CBFB: variants seen among roughly 807,000 people sequenced by gnomAD.
CBFB encodes core-binding factor subunit beta, also known as CBF-beta.
CBFB carries 9 observed loss-of-function variants against 30.4 expected under a neutral mutation model. The ratio of observed to expected loss-of-function variants is 0.30; its 90% CI spans 0.18 to 0.52. The LOEUF (loss-of-function observed/expected upper bound fraction) is 0.52. Ranked by LOEUF, CBFB falls within the 20% of genes least tolerant of loss-of-function variation. CBFB has a pLI of 0.97. For synonymous variants in CBFB, 94 were observed against 84.0 expected (o/e 1.12, Z -0.65); for missense variants, 170 against 244.0 (o/e 0.70, Z 2.02).
At position 67,029,488 on chromosome 16, in the gene CBFB, G is replaced by T; in HGVS notation, c.78+3G>T. 1.3e-6 allele frequency: 2 copies of T among 1,586,666 alleles called. No individual in the cohort carries two copies. Among genetic ancestry groups the T allele is most frequent in the Non-Finnish European group, 1.7e-6 (2 of 1,168,046 alleles). On this transcript the variant is annotated splice_donor_region_variant and intron_variant, in intron 1 of 5. Transcript: ENST00000412916. Reference sequence around the variant, plus strand: ...GGAAGCTGAGCCGCGAGTGTGAGGTGAGGCAGGCGGGCGGGCGGCTAGGAG... The same window carrying T: ...GGAAGCTGAGCCGCGAGTGTGAGGTTAGGCAGGCGGGCGGGCGGCTAGGAG...
At chr16:67,033,382 C>G (rs985514567) in intron 2 of CBFB, among the ~76,000 whole-genome samples, 37 of 152,324 alleles carry the variant, frequency 2.4e-4, no homozygotes, top group African/African-American at 8.9e-4. Flanking sequence ...CTCTGTCACT[C>G]TGGCTGGAGT....
intron 5 of CBFB, among the ~76,000 whole-genome samples, chr16:67,083,298 ATTT>A (rs774691069): frequency 7.0e-6 from 1 of 143,558 alleles, no homozygotes; most frequent in Non-Finnish European, 1.5e-5. Flanking sequence ...CATTATTTTG[ATTT>A]TTTTTTTTTT....
intron 5 of CBFB, among the ~76,000 whole-genome samples, chr16:67,085,293 C>T (rs1242788524): frequency 4.0e-5 from 6 of 151,708 alleles, no homozygotes; most frequent in Admixed American, 2.6e-4. Context: ...CCTCAGTCTT[C>T]TGAGTAGCTG....
At chr16:67,040,717 A>C (rs1288427706) in intron 3 of CBFB, among the ~76,000 whole-genome samples, 1 of 152,216 alleles carries the variant, frequency 6.6e-6, no homozygotes, top group Non-Finnish European at 1.5e-5. Flanking sequence ...TAGCTTACAA[A>C]GTGACAGTAC....
In CBFB at chr16:67,100,255, CT is replaced by C. The variant is rs1345213023; in HGVS notation, c.*1478del. On this transcript the variant is annotated 3_prime_UTR_variant, in exon 6 of 6. Coordinates refer to ENST00000412916, the MANE Select transcript of CBFB (RefSeq NM_022845.3). ...GTCAATTCAGAAAATGGACTGAAGT[CT>C]GAATAAGGTCATTGCATTTAAAAAG... 4.4e-4 allele frequency: 96 copies of C among 219,740 alleles called. 1 individual carries two copies. The highest frequency in any genetic ancestry group is 2.0e-3 in the African/African-American group (88 of 44,726). The allele number at this position is 219,740 out of a possible 1,614,324, so 13.6% of individuals were successfully genotyped here. A position where few individuals can be genotyped will look rare whatever the true frequency, so the allele number is the denominator to read the frequency against.
chr16:67,063,897 C>A (rs9925519), intron 3 of CBFB, among the ~76,000 whole-genome samples: 6,678 of 152,184 alleles, frequency 0.044, 485 homozygotes, highest in African/African-American at 0.15. Flanking sequence ...AAAAAAGATG[C>A]TTCCAGCTTT....
chr16:67,053,172 G>A (rs948890933), intron 3 of CBFB, among the ~76,000 whole-genome samples: 1 of 147,588 alleles, frequency 6.8e-6, no homozygotes, highest in African/African-American at 2.5e-5. Context: ...GCATTGTTTA[G>A]TTTTTAAAAA....
At chr16:67,068,697 A>G (rs1484472625) in intron 4 of CBFB, among the ~76,000 whole-genome samples, 1 of 152,196 alleles carries the variant, frequency 6.6e-6, no homozygotes, top group Non-Finnish European at 1.5e-5. Flanking sequence ...ATGAAAATGC[A>G]ACTTATACAA....
At chr16:67,032,698 A>G (rs1367550918) in intron 2 of CBFB, among the ~76,000 whole-genome samples, 1 of 152,172 alleles carries the variant, frequency 6.6e-6, no homozygotes, top group Non-Finnish European at 1.5e-5. Flanking sequence ...TAATGCCTGA[A>G]ATTTATCTCA....
intron 3 of CBFB, among the ~76,000 whole-genome samples, chr16:67,048,502 TGAAAC>T (rs898226254): frequency 2.0e-5 from 3 of 152,180 alleles, no homozygotes; most frequent in Non-Finnish European, 4.4e-5. Flanking sequence ...AGTTAAAAAT[TGAAAC>T]GAAAGTCAGC....
chr16:67,037,790 T>C (rs1966466804), intron 3 of CBFB, among the ~76,000 whole-genome samples: 1 of 151,202 alleles, frequency 6.6e-6, no homozygotes, highest in Non-Finnish European at 1.5e-5. Flanking sequence ...TGCCTCAGCC[T>C]CCTGAGTAGC....
At chr16:67,081,216 G>C (rs184076410) in intron 4 of CBFB, among the ~76,000 whole-genome samples, 189 of 145,498 alleles carry the variant, frequency 1.3e-3, no homozygotes, top group Non-Finnish European at 2.1e-3. Flanking sequence ...CTATGAGTGA[G>C]AATATGCAGT....
At chr16:67,055,357 C>CT (rs1163773529) in intron 3 of CBFB, among the ~76,000 whole-genome samples, 1,949 of 81,466 alleles carry the variant, frequency 0.024, 404 homozygotes, top group African/African-American at 0.05. Context: ...CAGACACTTT[C>CT]TTTTTTTTTT....
chr16:67,066,963 T>C (rs1037424166), intron 4 of CBFB, 165 bp downstream of exon 4: 34 of 460,968 alleles, frequency 7.4e-5, no homozygotes, highest in Admixed American at 2.9e-4. Context: ...CTGATCCTGA[T>C]TTTGGGAAAG....
At chr16:67,083,297 G>T (rs1042861192) in intron 5 of CBFB, among the ~76,000 whole-genome samples, 3 of 150,252 alleles carry the variant, frequency 2.0e-5, no homozygotes, top group Non-Finnish European at 4.4e-5. Context: ...TCATTATTTT[G>T]ATTTTTTTTT....
chr16:67,032,643 T>C (rs1189634894), intron 2 of CBFB, among the ~76,000 whole-genome samples: 1 of 152,236 alleles, frequency 6.6e-6, no homozygotes, highest in Admixed American at 6.5e-5. Context: ...CAATACCTTT[T>C]ATATCAGAGG....
chr16:67,089,781 G>C (rs1961832157), intron 5 of CBFB, among the ~76,000 whole-genome samples: 1 of 152,126 alleles, frequency 6.6e-6, no homozygotes, highest in Admixed American at 6.6e-5. Context: ...TCCACTACTT[G>C]TTGCCATATA....
chr16:67,068,478 C>T (rs1385502387), intron 4 of CBFB, among the ~76,000 whole-genome samples: 1 of 152,038 alleles, frequency 6.6e-6, no homozygotes, highest in African/African-American at 2.4e-5. Context: ...GAGATCCTTT[C>T]TCTAAAAAGA....
intron 5 of CBFB, among the ~76,000 whole-genome samples, chr16:67,096,048 C>A (rs931134254): frequency 6.6e-6 from 1 of 151,660 alleles, no homozygotes; most frequent in Non-Finnish European, 1.5e-5. Context: ...GTGGCTCACG[C>A]CTGTAATCCC....
Sources: gnomAD v4.1 joint callset for allele counts (sites outside exome capture counted in the v4.1 genomes callset) on GRCh38, gnomAD v4.1.1 for gene constraint, MANE v1.5 for transcripts, NCBI Gene and HGNC (gene_info 2026-07-23, HGNC 2026-07-21) for gene names.